TP73: variants seen among roughly 807,000 people sequenced by gnomAD.
The protein encoded by TP73 is tumor protein p73.
A neutral mutation model predicts 62.5 loss-of-function variants in TP73; 25 were observed. The ratio of observed to expected loss-of-function variants is 0.40; its 90% CI spans 0.29 to 0.56. The LOEUF is 0.56. Ranked by LOEUF, TP73 falls within the 20% of genes least tolerant of loss-of-function variation. TP73 has a pLI of 0.46. For synonymous variants in TP73, 423 were observed against 377.5 expected (o/e 1.12, Z -1.40); for missense variants, 754 against 913.3 (o/e 0.83, Z 2.25).
chr1:3,667,932 A>G (rs1382538386), intron 1 of TP73, among the ~76,000 whole-genome samples: 1 of 152,174 alleles, frequency 6.6e-6, no homozygotes, highest in Non-Finnish European at 1.5e-5. Flanking sequence ...CTCCCCCTTC[A>G]GTGTCCCCCC....
chr1:3,717,051 T>A (rs1640656455), intron 4 of TP73, among the ~76,000 whole-genome samples: 1 of 152,218 alleles, frequency 6.6e-6, no homozygotes, highest in Non-Finnish European at 1.5e-5. Context: ...TTCCAGAATC[T>A]GTTGCAACAG....
chr1:3,686,246 G>A (rs2102109011), intron 3 of TP73, among the ~76,000 whole-genome samples: 1 of 152,350 alleles, frequency 6.6e-6, no homozygotes, highest in South Asian at 2.1e-4. Flanking sequence ...TCCGCATCTG[G>A]GGGACGTGGG....
rs781299594 is a variant in TP73, at chr1:3,728,203, A to T, written c.1060A>T (p.Thr354Ser). 9 of 1,611,722 alleles carry T rather than the reference A, an allele frequency of 5.6e-6. No homozygotes were observed. In the Admixed American group the frequency reaches 1.5e-4, roughly 27 times the overall value. The change falls in exon 9 of 14, where the codon ACG (threonine) becomes TCG (serine). Residue 354 changes from threonine (T) to serine (S), a missense_variant. Thr to Ser is a moderately conservative substitution (Grantham distance 58). Around this residue, in one of 3 missense-constraint regions of TP73, gnomAD observed 458 missense variants for 528.7 expected, o/e 0.87. Transcript: ENST00000378295. ...GAAGCGGCGGCATGGAGACGAGGAC[A>T]CGTACTACCTTCAGGTGAGTGTGTG... is the stretch of plus-strand genomic sequence containing the variant. Reference protein sequence around the residue: ...VKKRRHGDEDTYYLQVRGREN... With the variant: ...VKKRRHGDEDSYYLQVRGREN...
At chr1:3,714,961 G>A (rs143086801) in intron 4 of TP73, among the ~76,000 whole-genome samples, 100 of 152,356 alleles carry the variant, frequency 6.6e-4, no homozygotes, top group African/African-American at 2.1e-3. Flanking sequence ...AGTGATAGTA[G>A]CAGCCACAGG....
In TP73 at chr1:3,734,023, G is replaced by A. The variant is rs920918258; in HGVS notation, c.*944G>A. On this transcript the variant is annotated 3_prime_UTR_variant, in exon 14 of 14. Transcript: ENST00000378295. This position sits in a 1 kb window ranked among gnomAD's most constrained non-coding sequence, Gnocchi z 4.4. The stretch of plus-strand genomic sequence containing the variant: ...AAGCTGAGTGAGAAGCCAGGTGGGC[G>A]GGACTTGTTCCCAGGAAGGCCGGGT... 3 of 151,820 alleles carry A rather than the reference G, an allele frequency of 2.0e-5. No individual in the cohort carries two copies. Among genetic ancestry groups the A allele is most frequent in the South Asian group, 4.2e-4 (2 of 4,814 alleles). The allele number at this position is 151,820 out of a possible 1,614,324, so 9.4% of individuals were successfully genotyped here.
At chr1:3,693,781 G>T (rs1638324873) in intron 3 of TP73, among the ~76,000 whole-genome samples, 1 of 133,638 alleles carries the variant, frequency 7.5e-6, no homozygotes, top group Non-Finnish European at 1.6e-5. Flanking sequence ...TGCAGCCTCA[G>T]CCCCTCCTCC....
At chr1:3,692,553 C>T (rs1160317775) in intron 3 of TP73, among the ~76,000 whole-genome samples, 1 of 152,166 alleles carries the variant, frequency 6.6e-6, no homozygotes, top group Non-Finnish European at 1.5e-5. Flanking sequence ...GCACAGCAGG[C>T]CTGGGGCTCC....
At chr1:3,690,308 C>A (rs896235253) in intron 3 of TP73, among the ~76,000 whole-genome samples, 17 of 152,186 alleles carry the variant, frequency 1.1e-4, no homozygotes, top group Non-Finnish European at 2.5e-4. Context: ...CCACCGAGTT[C>A]CCCGCGCAGG....
intron 13 of TP73, among the ~76,000 whole-genome samples, chr1:3,732,375 CCT>C (rs1225484403): frequency 6.6e-6 from 1 of 151,130 alleles, no homozygotes; most frequent in Non-Finnish European, 1.5e-5. Flanking sequence ...CCTTGCCTCC[CCT>C]GAGTGATGTG....
chr1:3,719,890 T>TTGTGTGTGTGTATGTG (rs1640921267), intron 4 of TP73, among the ~76,000 whole-genome samples: 1 of 132,146 alleles, frequency 7.6e-6, no homozygotes, highest in Non-Finnish European at 1.6e-5. Flanking sequence ...TTTTTTCTCT[T>TTGTGTGTGTGTATGTG]TGTGTGTGTG....
chr1:3,708,806 C>T (rs1005810443), intron 4 of TP73, among the ~76,000 whole-genome samples: 17 of 152,170 alleles, frequency 1.1e-4, no homozygotes, highest in African/African-American at 3.6e-4. Context: ...GCACCCAGGC[C>T]ATGGCTGCAG....
chr1:3,695,201 G>T (rs1291270401), intron 3 of TP73, among the ~76,000 whole-genome samples: 1 of 152,242 alleles, frequency 6.6e-6, no homozygotes, highest in South Asian at 2.1e-4. Context: ...GATGAGTGGG[G>T]CCCCTCTAGA....
intron 1 of TP73, among the ~76,000 whole-genome samples, chr1:3,675,623 C>T (rs3765702): frequency 0.44 from 66,880 of 151,808 alleles, 15,166 homozygotes; most frequent in African/African-American, 0.53. Context: ...TGAGTGCGGA[C>T]GGCTCGGTCT....
In TP73 at chr1:3,722,155, C is replaced by T. The variant is rs145242376; in HGVS notation, c.564C>T (p.Thr188=). ...TTTACAAGAAAGCGGAGCACGTGAC[C>T]GACGTCGTGAAACGCTGCCCCAACC... ...MPVYKKAEHV[T]DVVKRCPNHE... Residue 188 remains threonine, a synonymous_variant, in exon 5 of 14, where the codon ACC becomes ACT. Transcript: ENST00000378295. The T allele has an allele frequency of 2.5e-5, 41 of 1,612,594 alleles. No homozygotes were observed. The highest frequency in any genetic ancestry group is 1.7e-4 in the Admixed American group (10 of 59,984).
chr1:3,726,262 TG>T (rs1320561606), intron 6 of TP73, among the ~76,000 whole-genome samples: 2 of 24,832 alleles, frequency 8.1e-5, no homozygotes, highest in Non-Finnish European at 1.2e-4. Context: ...GAGGTGGGTG[TG>T]GGGGGTGGAT....
chr1:3,706,769 C>T (rs868656947), intron 3 of TP73, among the ~76,000 whole-genome samples: 6 of 152,212 alleles, frequency 3.9e-5, no homozygotes, highest in African/African-American at 7.2e-5. Context: ...GCGCCACAGA[C>T]GGTGGCGCAG....
intron 4 of TP73, among the ~76,000 whole-genome samples, chr1:3,717,647 C>T (rs192858209): frequency 6.6e-6 from 1 of 152,312 alleles, no homozygotes; most frequent in East Asian, 1.9e-4. Context: ...GGGCCAAGCC[C>T]AGGCCTGAAG....
intron 3 of TP73, among the ~76,000 whole-genome samples, chr1:3,690,105 G>C (rs1169809142): frequency 6.6e-6 from 1 of 152,172 alleles, no homozygotes; most frequent in African/African-American, 2.4e-5. Context: ...TTTCCTGGGG[G>C]CTTGGCCAGT....
chr1:3,675,624 G>A (rs1034855342), intron 1 of TP73, among the ~76,000 whole-genome samples: 1 of 152,118 alleles, frequency 6.6e-6, no homozygotes, highest in Non-Finnish European at 1.5e-5. Context: ...GAGTGCGGAC[G>A]GCTCGGTCTC....
Sources: gnomAD v4.1 joint callset for allele counts (sites outside exome capture counted in the v4.1 genomes callset) on GRCh38, gnomAD v4.1.1 for gene constraint, gnomAD v4.1.1 regional missense constraint, Gnocchi (gnomAD v3.1) non-coding constraint, MANE v1.5 for transcripts, NCBI Gene and HGNC (gene_info 2026-07-23, HGNC 2026-07-21) for gene names.